CNTNAP3: variants seen among roughly 807,000 people sequenced by gnomAD.
CNTNAP3 encodes contactin-associated protein-like 3.
A neutral mutation model predicts 92.1 loss-of-function variants in CNTNAP3; 36 were observed. The ratio of observed to expected loss-of-function variants is 0.39; its 90% CI spans 0.30 to 0.52. The LOEUF (loss-of-function observed/expected upper bound fraction) is 0.52, where lower values mean the gene tolerates loss of function less well. Ranked by LOEUF, CNTNAP3 falls within the 20% of genes least tolerant of loss-of-function variation. The pLI is 0.76. For synonymous variants in CNTNAP3, 232 were observed against 422.3 expected (o/e 0.55, Z 5.53); for missense variants, 534 against 1,069.6 (o/e 0.50, Z 6.98).
At chr9:39,143,413 A>G (rs927551862) in intron 11 of CNTNAP3, among the ~76,000 whole-genome samples, 9 of 152,082 alleles carry the variant, frequency 5.9e-5, no homozygotes, top group African/African-American at 2.2e-4. Flanking sequence ...CTGCTGGTGC[A>G]TGGACCACCA....
At chr9:39,100,438 C>A (rs1201018718) in intron 17 of CNTNAP3, among the ~76,000 whole-genome samples, 1 of 152,174 alleles carries the variant, frequency 6.6e-6, no homozygotes, top group African/African-American at 2.4e-5. Flanking sequence ...AGTTCCTTCA[C>A]AAAGAACAAA....
intron 23 of CNTNAP3, among the ~76,000 whole-genome samples, chr9:39,076,296 A>G (rs2118367833): frequency 6.6e-6 from 1 of 152,428 alleles, no homozygotes; most frequent in African/African-American, 2.4e-5. Context: ...CTAGCGTGAA[A>G]ATGTTCGGCA....
chr9:39,110,495 T>C (rs1341288943), intron 14 of CNTNAP3, among the ~76,000 whole-genome samples: 3 of 152,134 alleles, frequency 2.0e-5, no homozygotes, highest in African/African-American at 4.8e-5. Flanking sequence ...GTAAAAAATA[T>C]ATTTTAGTCT....
intron 13 of CNTNAP3, among the ~76,000 whole-genome samples, chr9:39,125,297 G>A (rs1256009520): frequency 1.3e-5 from 2 of 151,788 alleles, no homozygotes; most frequent in African/African-American, 4.8e-5. Flanking sequence ...TCATAGGTGG[G>A]AATTGAACAA....
At chr9:39,130,349 CTA>C (rs1422599692) in intron 13 of CNTNAP3, among the ~76,000 whole-genome samples, 3 of 151,792 alleles carry the variant, frequency 2.0e-5, no homozygotes, top group South Asian at 2.1e-4. Flanking sequence ...GCAAATGAAT[CTA>C]GAGAGGATTA....
At chr9:39,117,322 T>C (rs185004740) in intron 14 of CNTNAP3, among the ~76,000 whole-genome samples, 3 of 152,102 alleles carry the variant, frequency 2.0e-5, no homozygotes, top group Non-Finnish European at 4.4e-5. Context: ...GTACTCTACA[T>C]GATCTAGTTG....
chr9:39,081,759 T>G (rs1281724993), intron 21 of CNTNAP3, among the ~76,000 whole-genome samples: 1 of 151,824 alleles, frequency 6.6e-6, no homozygotes, highest in Non-Finnish European at 1.5e-5. Context: ...TGCAATACGG[T>G]AGACACTAGC....
At chr9:39,134,312 T>A (rs1821375225) in intron 12 of CNTNAP3, among the ~76,000 whole-genome samples, 1 of 152,182 alleles carries the variant, frequency 6.6e-6, no homozygotes, top group Non-Finnish European at 1.5e-5. Flanking sequence ...AATTAAATTA[T>A]CACTCCACTC....
chr9:39,120,470 A>C (rs144535418), intron 13 of CNTNAP3, among the ~76,000 whole-genome samples: 2 of 152,066 alleles, frequency 1.3e-5, no homozygotes, highest in African/African-American at 2.4e-5. Context: ...GTCAGATCGA[A>C]ACCATCCTGG....
rs1736054541 is a variant in CNTNAP3, at chr9:39,067,782, T to C, written c.*6108A>G. ...AGTTATTGGAAACGGTTTGATCTTT[T>C]TTTCCAAATCTTTGAAGATTTGTTC... On this transcript the variant is annotated 3_prime_UTR_variant, in exon 24 of 24. Transcript: ENST00000297668. Among the ~76,000 whole-genome samples the C allele has an allele frequency of 6.6e-6, 1 of 152,312 alleles. No homozygotes were observed. Among genetic ancestry groups the C allele is most frequent in the African/African-American group, 2.4e-5 (1 of 41,488 alleles).
chr9:39,095,985 T>C (rs1028274002), intron 18 of CNTNAP3, among the ~76,000 whole-genome samples: 2 of 151,754 alleles, frequency 1.3e-5, no homozygotes, highest in African/African-American at 4.8e-5. Context: ...TTATTTACCA[T>C]TTCTAGTTCT....
intron 14 of CNTNAP3, among the ~76,000 whole-genome samples, chr9:39,111,780 G>C (rs1027149137): frequency 1.3e-5 from 2 of 152,078 alleles, no homozygotes; most frequent in African/African-American, 4.8e-5. Context: ...AATACTGACT[G>C]TGCAAAATAT....
Position 39,067,709 on chromosome 9 carries a change from T to G in CNTNAP3, c.*6181A>C. On this transcript the variant is annotated 3_prime_UTR_variant, in exon 24 of 24. Transcript: ENST00000297668. Reference sequence around the variant, plus strand: ...CTGTGCCCGGCCTGGTGTTGGATAGTTTTATGTTACTGGAAATACATGTGA... The same window carrying G: ...CTGTGCCCGGCCTGGTGTTGGATAGGTTTATGTTACTGGAAATACATGTGA... Among the ~76,000 whole-genome samples the G allele has an allele frequency of 6.6e-6, 1 of 152,430 alleles. No homozygotes were observed. The highest frequency in any genetic ancestry group is 1.5e-5 in the Non-Finnish European group (1 of 68,050).
At chr9:39,117,799 A>C in intron 14 of CNTNAP3, 1 of 362,038 alleles carries the variant, frequency 2.8e-6, no homozygotes. Flanking sequence ...TACTACGTTA[A>C]TTAATTAACT....
At chr9:39,098,497 T>C (rs2778227) in intron 18 of CNTNAP3, among the ~76,000 whole-genome samples, 11 of 152,232 alleles carry the variant, frequency 7.2e-5, no homozygotes, top group African/African-American at 2.7e-4. Context: ...ATTTACTTAC[T>C]ATATAATGTC....
At chr9:39,117,540 T>C (rs1437679450) in intron 14 of CNTNAP3, among the ~76,000 whole-genome samples, 1 of 152,198 alleles carries the variant, frequency 6.6e-6, no homozygotes, top group Non-Finnish European at 1.5e-5. Flanking sequence ...AGAAAGTCTA[T>C]GTTAGTTGTT....
chr9:39,129,550 T>C (rs1325487960), intron 13 of CNTNAP3, among the ~76,000 whole-genome samples: 3 of 152,174 alleles, frequency 2.0e-5, no homozygotes, highest in Non-Finnish European at 4.4e-5. Flanking sequence ...CAAAAATCTT[T>C]GGAATTGGAA....
At chr9:39,130,298 T>A (rs895689925) in intron 13 of CNTNAP3, among the ~76,000 whole-genome samples, 1 of 151,852 alleles carries the variant, frequency 6.6e-6, no homozygotes, top group Non-Finnish European at 1.5e-5. Context: ...CGATTGCTAA[T>A]CAGCAATGAA....
chr9:39,106,811 C>T (rs557692831), intron 15 of CNTNAP3, among the ~76,000 whole-genome samples: 1 of 151,924 alleles, frequency 6.6e-6, no homozygotes, highest in African/African-American at 2.4e-5. Flanking sequence ...TACAAATTTC[C>T]AGGGGTTATT....
Sources: allele counts gnomAD v4.1 joint callset (sites outside exome capture counted in the v4.1 genomes callset), GRCh38; gene constraint gnomAD v4.1.1; transcripts MANE v1.5; gene names NCBI Gene and HGNC (gene_info 2026-07-23, HGNC 2026-07-21).